CCPG1: variants seen among roughly 807,000 people sequenced by gnomAD.
CCPG1 encodes cell cycle progression protein 1.
In CCPG1, 46 loss-of-function variants were observed where a neutral mutation model predicts 81.3. The ratio of observed to expected loss-of-function variants is 0.57; its 90% CI spans 0.45 to 0.72. CCPG1 has a LOEUF of 0.72. Among genes scored for constraint, CCPG1 ranks in the 30% least tolerant of loss-of-function variants. The probability of loss-of-function intolerance (pLI) is 0.00; values close to 1 mark genes in which losing one functional copy is unlikely to be tolerated. For synonymous variants in CCPG1, 330 were observed against 305.2 expected (o/e 1.08, Z -0.85); for missense variants, 902 against 937.6 (o/e 0.96, Z 0.50).
chr15:55,359,567 G>A lies in CCPG1; in HGVS notation c.2206C>T (p.His736Tyr), dbSNP rs912948382. ...DEYIYRHFFG[H>Y]TFSPPYGPSR... ...GGTCCATATGGAGGGGAAAAAGTGTGACCAAAGAAGTGTCTATATATATAT... is the reference window on the plus strand; with the variant it reads ...GGTCCATATGGAGGGGAAAAAGTGTAACCAAAGAAGTGTCTATATATATAT... The change falls in exon 8 of 9, where the codon CAC becomes TAC. Residue 736 changes from histidine to tyrosine, a missense_variant. Transcript: ENST00000442196. 1.9e-6 allele frequency: 3 copies of A among 1,610,576 alleles called. No homozygotes were observed. Among genetic ancestry groups the A allele is most frequent in the Non-Finnish European group, 1.7e-6 (2 of 1,178,944 alleles).
intron 7 of CCPG1, 89 bp from the exon 8 acceptor site, chr15:55,361,033 T>G: frequency 7.4e-7 from 1 of 1,346,240 alleles, no homozygotes. Context: ...CCCATAAGCT[T>G]TTGTGTCTTT....
intron 3 of CCPG1, among the ~76,000 whole-genome samples, chr15:55,378,920 GC>G (rs1383303290): frequency 2.0e-5 from 3 of 151,856 alleles, no homozygotes; most frequent in African/African-American, 7.3e-5. Context: ...AGAACTCAAA[GC>G]TACCTTGACT....
In CCPG1 at chr15:55,359,347, T is replaced by C. The variant is rs1411789072; in HGVS notation, c.2234+192A>G. On this transcript the variant is annotated intron_variant, in intron 8 of 8. Transcript: ENST00000442196. ...TCAAGTCAAAGTGATCACGTTATAATGAAATGTTCCATTTGTAACAGCTAA... is the reference window on the plus strand; with the variant it reads ...TCAAGTCAAAGTGATCACGTTATAACGAAATGTTCCATTTGTAACAGCTAA... 23 of 1,334,280 alleles carry C rather than the reference T, an allele frequency of 1.7e-5. No individual in the cohort carries two copies. The East Asian group carries it at 6.2e-4, about 36-fold the overall frequency. 82.7% of individuals were successfully genotyped at this position (1,334,280 alleles called of 1,614,324 possible). A position where few individuals can be genotyped will look rare whatever the true frequency, so the allele number is the denominator to read the frequency against.
intron 6 of CCPG1, among the ~76,000 whole-genome samples, chr15:55,369,148 T>G (rs904858188): frequency 1.3e-5 from 2 of 151,260 alleles, no homozygotes; most frequent in Admixed American, 6.6e-5. Flanking sequence ...TGAATGACTA[T>G]GGGATGCAAT....
At chr15:55,358,877 A>C in intron 8 of CCPG1, 1 of 963,610 alleles carries the variant, frequency 1.0e-6, no homozygotes, top group Non-Finnish European at 1.2e-6. Context: ...AGAAAGATTA[A>C]GTATTTCAAA....
chr15:55,404,981 T>G (rs1012891372), intron 1 of CCPG1, among the ~76,000 whole-genome samples: 2 of 150,228 alleles, frequency 1.3e-5, no homozygotes, highest in African/African-American at 4.9e-5. Flanking sequence ...TCCCAGCACT[T>G]TGGGAGGCCA....
intron 1 of CCPG1, among the ~76,000 whole-genome samples, chr15:55,405,231 A>G (rs7176013): frequency 0.18 from 26,989 of 151,908 alleles, 4,150 homozygotes; most frequent in African/African-American, 0.42. Context: ...GCATGGTGGC[A>G]CATGCCTGTA....
At chr15:55,388,960 C>A (rs1250828649) in intron 2 of CCPG1, among the ~76,000 whole-genome samples, 1 of 147,590 alleles carries the variant, frequency 6.8e-6, no homozygotes, top group South Asian at 2.1e-4. Flanking sequence ...TCCAGCTACT[C>A]AGGAGGCTGA....
chr15:55,393,883 T>C lies in CCPG1; in HGVS notation c.-9-4450A>G, dbSNP rs912183371. On this transcript the variant is annotated intron_variant, in intron 1 of 8. Coordinates refer to ENST00000442196, the MANE Select transcript of CCPG1 (RefSeq NM_001204450.2). ...AACCAATGGAAGCCTCTAGAGGGTATTGAAACCCCCACAAATTCTATAACG... is the reference window on the plus strand; with the variant it reads ...AACCAATGGAAGCCTCTAGAGGGTACTGAAACCCCCACAAATTCTATAACG... Among the ~76,000 whole-genome samples the C allele has an allele frequency of 1.9e-4, 29 of 152,204 alleles. 1 individual carries two copies. Among genetic ancestry groups the C allele is most frequent in the Admixed American group, 1.6e-3 (25 of 15,278 alleles).
chr15:55,396,877 TGGATCGCCTAGCA>T, intron 1 of CCPG1, among the ~76,000 whole-genome samples: 1 of 152,198 alleles, frequency 6.6e-6, no homozygotes, highest in Middle Eastern at 3.4e-3. Flanking sequence ...GAGGCCTGTG[TGGATCGCCTAGCA>T]GGAGAGAGGA....
In CCPG1 at chr15:55,376,972, T is replaced by C. The variant is rs766050074; in HGVS notation, c.431A>G (p.Tyr144Cys). 2 of 1,613,342 alleles carry C rather than the reference T, an allele frequency of 1.2e-6. No individual in the cohort carries two copies. The highest frequency in any genetic ancestry group is 1.7e-6 in the Non-Finnish European group (2 of 1,179,836). Residue 144 changes from tyrosine (Y) to cysteine (C), a missense_variant, in exon 5 of 9, where the codon TAT becomes TGT. Physicochemically the swap from Tyr to Cys is radical, Grantham distance 194. This residue lies in a region of CCPG1 where 746 missense variants were observed against 728.6 expected (regional missense o/e 1.02). Transcript: ENST00000442196. ...FNMGSSSSSQ[Y>C]TFCQPETVFS... is the part of the protein sequence containing the mutation. ...ACCAGTTTCTGGCTGACAGAAAGTA[T>C]ACTGGCTGCTAGAGGAAGAGCCCAT...
At chr15:55,356,690 G>T (rs898406436) in intron 8 of CCPG1, 3 of 1,121,236 alleles carry the variant, frequency 2.7e-6, no homozygotes, top group South Asian at 4.0e-5. Context: ...AATGAGATGT[G>T]TTTCCATTAT....
Position 55,392,789 on chromosome 15 carries a change from T to A in CCPG1, c.-9-3356A>T, listed in dbSNP as rs185695898. On this transcript the variant is annotated intron_variant, in intron 1 of 8. Coordinates refer to ENST00000442196, the MANE Select transcript of CCPG1 (RefSeq NM_001204450.2). The stretch of plus-strand genomic sequence containing the variant: ...TTCTTGGCCTCTCAAAGTACTAGGA[T>A]GACAGGCATAAGCGGTTGTATCTGG... Among the ~76,000 whole-genome samples, 3 of 152,302 alleles carry A rather than the reference T, an allele frequency of 2.0e-5. No individual in the cohort carries two copies. The East Asian group carries it at 5.8e-4, about 29-fold the overall frequency.
chr15:55,381,392 C>A lies in CCPG1; in HGVS notation c.176-3016G>T, dbSNP rs540393. ...AGGTTACAGTGAGCTGAGATCATTGCGCCACTGCACTCCAGCCTGGGCAAC... is the reference window on the plus strand; with the variant it reads ...AGGTTACAGTGAGCTGAGATCATTGAGCCACTGCACTCCAGCCTGGGCAAC... On this transcript the variant is annotated intron_variant, in intron 3 of 8. Transcript: ENST00000442196. Among the ~76,000 whole-genome samples the A allele has an allele frequency of 1.0e-3, 153 of 152,110 alleles. 1 individual carries two copies. Among genetic ancestry groups the A allele is most frequent in the Middle Eastern group, 6.8e-3 (2 of 292 alleles).
At chr15:55,386,750 A>T (rs1032224216) in intron 2 of CCPG1, among the ~76,000 whole-genome samples, 3 of 149,548 alleles carry the variant, frequency 2.0e-5, no homozygotes, top group Non-Finnish European at 4.4e-5. Context: ...AAAAAAAAAT[A>T]GCCGAGCGTG....
chr15:55,367,153 A>C (rs1178832138), intron 6 of CCPG1, among the ~76,000 whole-genome samples: 3 of 152,302 alleles, frequency 2.0e-5, no homozygotes, highest in Non-Finnish European at 4.4e-5. Flanking sequence ...TTATAGAAGC[A>C]CGGCAAGCTT....
chr15:55,379,352 G>C (rs564456466), intron 3 of CCPG1, among the ~76,000 whole-genome samples: 14 of 152,018 alleles, frequency 9.2e-5, no homozygotes, highest in African/African-American at 2.2e-4. Context: ...GCAAGACCCT[G>C]TCTCTACAAA....
At chr15:55,397,711 T>C (rs1458480644) in intron 1 of CCPG1, among the ~76,000 whole-genome samples, 1 of 152,156 alleles carries the variant, frequency 6.6e-6, no homozygotes, top group Non-Finnish European at 1.5e-5. Flanking sequence ...GCATGGTGGC[T>C]CACACCTGTA....
At chr15:55,370,527 A>C (rs1025110714) in intron 6 of CCPG1, among the ~76,000 whole-genome samples, 3 of 152,192 alleles carry the variant, frequency 2.0e-5, no homozygotes, top group Non-Finnish European at 4.4e-5. Flanking sequence ...ACGGTGGCTC[A>C]TGCCTATAAT....
Sources: gnomAD v4.1 joint callset for allele counts (sites outside exome capture counted in the v4.1 genomes callset) on GRCh38, gnomAD v4.1.1 for gene constraint, gnomAD v4.1.1 regional missense constraint, MANE v1.5 for transcripts, NCBI Gene and HGNC (gene_info 2026-07-23, HGNC 2026-07-21) for gene names.